SLC43A2: variants seen among roughly 807,000 people sequenced by gnomAD.
SLC43A2 encodes large neutral amino acids transporter small subunit 4.
SLC43A2 carries 38 observed loss-of-function variants against 63.2 expected under a neutral mutation model. The observed-to-expected ratio is 0.60, with a 90% CI of 0.46 to 0.79. SLC43A2 has a LOEUF of 0.79. Ranked by LOEUF, SLC43A2 falls within the 30% of genes least tolerant of loss-of-function variation. The pLI is 0.00. For missense variants in SLC43A2, 644 were observed against 756.2 expected (o/e 0.85, Z 1.74); for synonymous variants, 322 against 331.0 (o/e 0.97, Z 0.30).
At chr17:1,575,902 C>T (rs2075920150) in intron 13 of SLC43A2, 137 bp from the exon 14 acceptor site, 2 of 1,008,264 alleles carry the variant, frequency 2.0e-6, no homozygotes, top group Non-Finnish European at 2.8e-6. Flanking sequence ...CCCACGAGGT[C>T]CCATATGCCA....
rs138368469 is a variant in SLC43A2, at chr17:1,606,503, G to A, written c.501+6692C>T. Among the ~76,000 whole-genome samples the A allele has an allele frequency of 3.2e-3, 481 of 152,268 alleles. No homozygotes were observed. Among genetic ancestry groups the A allele is most frequent in the Non-Finnish European group, 5.1e-3 (348 of 67,994 alleles). On this transcript the variant is annotated intron_variant, in intron 5 of 13. Coordinates refer to ENST00000301335, the MANE Select transcript of SLC43A2 (RefSeq NM_152346.3). The surrounding 1 kb of genome is among the most constrained non-coding windows in gnomAD (Gnocchi z 4.7). ...GCTGAGAAATCCCCATCCCACCCACGGGGACAGGGGTCAGAGTAATGGAGT... is the reference window on the plus strand; with the variant it reads ...GCTGAGAAATCCCCATCCCACCCACAGGGACAGGGGTCAGAGTAATGGAGT...
At chr17:1,630,052 C>G (rs1312307924), upstream of SLC43A2, among the ~76,000 whole-genome samples, 1 of 152,226 alleles carries the variant, frequency 6.6e-6, no homozygotes, top group Non-Finnish European at 1.5e-5. Flanking sequence ...CCAGCCTGGG[C>G]AGCATGGCGA....
chr17:1,604,681 A>C, intron 5 of SLC43A2: 69 of 1,508,856 alleles, frequency 4.6e-5, no homozygotes, highest in Middle Eastern at 3.4e-4. Flanking sequence ...GTCCCCAACT[A>C]GAGATGGCTT....
Position 1,605,946 on chromosome 17 carries a change from G to A in SLC43A2, c.501+7249C>T, listed in dbSNP as rs889896863. ...TCCTGCCAATACCGCTGCCCTTTCCGTCTGAACGTGGTCACATACTGCAGC... is the reference window on the plus strand; with the variant it reads ...TCCTGCCAATACCGCTGCCCTTTCCATCTGAACGTGGTCACATACTGCAGC... On this transcript the variant is annotated intron_variant, in intron 5 of 13. Transcript: ENST00000301335. This position sits in a 1 kb window ranked among gnomAD's most constrained non-coding sequence, Gnocchi z 4.9. Among the ~76,000 whole-genome samples the A allele has an allele frequency of 3.3e-5, 5 of 152,156 alleles. No homozygotes were observed. Among genetic ancestry groups the A allele is most frequent in the African/African-American group, 1.2e-4 (5 of 41,426 alleles).
At chr17:1,598,150 C>T (rs951658158) in intron 5 of SLC43A2, among the ~76,000 whole-genome samples, 3 of 151,778 alleles carry the variant, frequency 2.0e-5, no homozygotes, top group East Asian at 1.9e-4. Context: ...GGGCCAGGCG[C>T]GGTGGCTCAC....
rs986968460 is a variant in SLC43A2, at chr17:1,593,892, C to T, written c.502-613G>A. ...TTTGCTCTTGTTCCCCAGGCTGGAG[C>T]GCAGTGGTGTGAGCTCGGCTCGTTG... On this transcript the variant is annotated intron_variant, in intron 5 of 13. Coordinates refer to ENST00000301335, the MANE Select transcript of SLC43A2 (RefSeq NM_152346.3). This position sits in a 1 kb window ranked among gnomAD's most constrained non-coding sequence, Gnocchi z 5.3. 3.3e-5 allele frequency among the ~76,000 whole-genome samples: 5 copies of T among 152,006 alleles called. No homozygotes were observed. The East Asian group carries it at 5.8e-4, about 18-fold the overall frequency.
At chr17:1,626,143 T>C (rs979280532) in intron 2 of SLC43A2, among the ~76,000 whole-genome samples, 3 of 150,240 alleles carry the variant, frequency 2.0e-5, no homozygotes, top group Admixed American at 6.6e-5. Flanking sequence ...CACTAAAAGC[T>C]TTCTCTGGGG....
rs538745227 is a variant in SLC43A2 at position 1,583,613 on chromosome 17, G to A, written c.1218-277C>T. 4.8e-5 allele frequency: 18 copies of A among 373,592 alleles called. No homozygotes were observed. Among genetic ancestry groups the A allele is most frequent in the Non-Finnish European group, 6.8e-5 (14 of 204,478 alleles). 23.1% of individuals were successfully genotyped at this position (373,592 alleles called of 1,614,324 possible). A position where few individuals can be genotyped will look rare whatever the true frequency, so the allele number is the denominator to read the frequency against. ...TGCTCTGTGAAGGCTGAGCTAAGACGACGGGGAGAGAAGTAGCAGCGTGTG... is the reference window on the plus strand; with the variant it reads ...TGCTCTGTGAAGGCTGAGCTAAGACAACGGGGAGAGAAGTAGCAGCGTGTG... On this transcript the variant is annotated intron_variant, in intron 10 of 13. Coordinates refer to ENST00000301335, the MANE Select transcript of SLC43A2 (RefSeq NM_152346.3). This position sits in a 1 kb window ranked among gnomAD's most constrained non-coding sequence, Gnocchi z 5.5.
chr17:1,605,112 T>C lies in SLC43A2; in HGVS notation c.501+8083A>G. The C allele has an allele frequency of 7.5e-7, 1 of 1,324,518 alleles. No individual in the cohort carries two copies. The highest frequency in any genetic ancestry group is 1.7e-5 in the South Asian group (1 of 59,992). The allele number at this position is 1,324,518 out of a possible 1,614,324, so 82.0% of individuals were successfully genotyped here. On this transcript the variant is annotated intron_variant, in intron 5 of 13. Coordinates refer to ENST00000301335, the MANE Select transcript of SLC43A2 (RefSeq NM_152346.3). The surrounding 1 kb of genome is among the most constrained non-coding windows in gnomAD (Gnocchi z 4.9). ...GGAGTGCAAGCCCCTCTTCCCGCCC[T>C]CAGGTGCTTCCCACAGCCCCCTCGC... is the stretch of plus-strand genomic sequence containing the variant.
rs1035235367 is a variant in SLC43A2, at chr17:1,605,610, G to A, written c.501+7585C>T. Among the ~76,000 whole-genome samples the A allele has an allele frequency of 1.2e-4, 18 of 149,894 alleles. No homozygotes were observed. Among genetic ancestry groups the A allele is most frequent in the African/African-American group, 7.4e-5 (3 of 40,766 alleles). On this transcript the variant is annotated intron_variant, in intron 5 of 13. Transcript: ENST00000301335. This position sits in a 1 kb window ranked among gnomAD's most constrained non-coding sequence, Gnocchi z 4.9. Reference sequence around the variant, plus strand: ...GAGCTGGGAGGTGGGTGGGGGCTGGGGAGCTGGGTGGTGGGTGGGGGCTGG... The same window carrying A: ...GAGCTGGGAGGTGGGTGGGGGCTGGAGAGCTGGGTGGTGGGTGGGGGCTGG...
At chr17:1,608,743 G>C (rs556965183) in intron 5 of SLC43A2, among the ~76,000 whole-genome samples, 26 of 152,276 alleles carry the variant, frequency 1.7e-4, no homozygotes, top group African/African-American at 5.5e-4. Flanking sequence ...GCCAGTGAAA[G>C]TAATGGACCC....
rs556331980 is a variant in SLC43A2 at position 1,620,202 on chromosome 17, T to C, written c.161-3433A>G. The stretch of plus-strand genomic sequence containing the variant: ...CAACATGGTGAAACCCCATCTCTAC[T>C]ACAAATACAAAAAAATTTAGCCAGG... On this transcript the variant is annotated intron_variant, in intron 2 of 13. Coordinates refer to ENST00000301335, the MANE Select transcript of SLC43A2 (RefSeq NM_152346.3). Among the ~76,000 whole-genome samples the C allele has an allele frequency of 1.3e-4, 20 of 152,216 alleles. 1 individual carries two copies. The South Asian group carries it at 4.1e-3, about 32-fold the overall frequency.
intron 2 of SLC43A2, among the ~76,000 whole-genome samples, chr17:1,627,351 C>A (rs751437917): frequency 1.3e-5 from 2 of 152,190 alleles, no homozygotes; most frequent in Non-Finnish European, 2.9e-5. Context: ...CACAAGCAGA[C>A]AGCAACATGT....
Position 1,576,667 on chromosome 17 carries a change from G to T in SLC43A2, c.1478C>A (p.Ala493Glu). The change falls in exon 13 of 14, where the codon GCG (alanine) becomes GAG (glutamate). Residue 493 changes from alanine (A) to glutamate (E), a missense_variant. Transcript: ENST00000301335. ...CGGCTGCTGCAGAAGGGCGAAGAGCGCGCTGATCAGAGACTGCAGTCCCGT... is the reference window on the plus strand; with the variant it reads ...CGGCTGCTGCAGAAGGGCGAAGAGCTCGCTGATCAGAGACTGCAGTCCCGT... The part of the protein sequence containing the change: ...SLTGLQSLIS[A>E]LFALLQQPLF... The T allele has an allele frequency of 6.2e-7, 1 of 1,611,014 alleles. No homozygotes were observed.
chr17:1,586,463 G>A (rs530221100), intron 9 of SLC43A2, among the ~76,000 whole-genome samples: 4 of 152,216 alleles, frequency 2.6e-5, no homozygotes, highest in African/African-American at 2.4e-5. Context: ...TTGGGAGCCC[G>A]AGGTGGGCGG....
chr17:1,615,698 C>T (rs1907564082), intron 3 of SLC43A2, among the ~76,000 whole-genome samples: 2 of 148,850 alleles, frequency 1.3e-5, no homozygotes, highest in Non-Finnish European at 3.0e-5. Flanking sequence ...AAAAAATTAG[C>T]CGGGCGTGGT....
At chr17:1,604,791 G>A (rs751380689) in intron 5 of SLC43A2, 8 of 1,535,622 alleles carry the variant, frequency 5.2e-6, no homozygotes, top group South Asian at 2.4e-5. Context: ...CCACAGCATC[G>A]GATGGGCTTG....
intron 2 of SLC43A2, 128 bp downstream of exon 2, chr17:1,627,587 G>A: frequency 2.2e-6 from 2 of 924,696 alleles, no homozygotes; most frequent in East Asian, 6.1e-5. Flanking sequence ...AGGATCAGAT[G>A]GGCCTTCTGA....
Position 1,613,256 on chromosome 17 carries a change from A to T in SLC43A2, c.440T>A (p.Ile147Asn). Residue 147 changes from isoleucine (I) to asparagine (N), a missense_variant, in exon 5 of 14, where the codon ATC (isoleucine) becomes AAC (asparagine). This residue lies in a region of SLC43A2 where 528 missense variants were observed against 623.6 expected (regional missense o/e 0.85). Coordinates refer to ENST00000301335, the MANE Select transcript of SLC43A2 (RefSeq NM_152346.3). ...ASKPNALSVL[I>N]FIALALNGFG... The stretch of plus-strand genomic sequence containing the variant: ...GCCATTCAGAGCCAGGGCGATGAAG[A>T]TGAGCACGGAGAGAGCTGCAGGGAC... 6.2e-7 allele frequency: 1 copy of T among 1,614,144 alleles called. No homozygotes were observed.
Sources: gnomAD v4.1 joint callset for allele counts (sites outside exome capture counted in the v4.1 genomes callset) on GRCh38, gnomAD v4.1.1 for gene constraint, gnomAD v4.1.1 regional missense constraint, Gnocchi (gnomAD v3.1) non-coding constraint, MANE v1.5 for transcripts, NCBI Gene and HGNC (gene_info 2026-07-23, HGNC 2026-07-21) for gene names.